Variants in COL24A1 observed in about 807,000 individuals in gnomAD.
COL24A1 encodes the protein collagen type XXIV alpha 1 chain.
In COL24A1, 224 loss-of-function variants were observed where a neutral mutation model predicts 253.9. The ratio of observed to expected loss-of-function variants is 0.88; its 90% CI spans 0.79 to 0.99. The LOEUF (loss-of-function observed/expected upper bound fraction) is 0.99, where lower values mean the gene tolerates loss of function less well. Among genes scored for constraint, COL24A1 ranks in the 50% least tolerant of loss-of-function variants. COL24A1 has a pLI of 0.00. For missense variants in COL24A1, 2,131 were observed against 2,068.5 expected, an observed-to-expected ratio of 1.03 and a Z score of -0.59; for synonymous variants, 685 against 673.7, an observed-to-expected ratio of 1.02 and a Z score of -0.26.
At chr1:85,832,640 A>T (rs1675447215) in intron 43 of COL24A1, among the ~76,000 whole-genome samples, 1 of 150,880 alleles carries the variant, frequency 6.6e-6, no homozygotes, top group Non-Finnish European at 1.5e-5. Context: ...GAGGTCCTTC[A>T]CGTCCCTTGT....
At chr1:86,145,192 T>C (rs560835299) in intron 2 of COL24A1, among the ~76,000 whole-genome samples, 1 of 152,240 alleles carries the variant, frequency 6.6e-6, no homozygotes, top group East Asian at 1.9e-4. Context: ...TCATTCATAA[T>C]TTGTTTACTT....
intron 18 of COL24A1, among the ~76,000 whole-genome samples, chr1:86,020,487 AT>A (rs1433971106): frequency 3.3e-5 from 5 of 152,074 alleles, no homozygotes; most frequent in African/African-American, 1.2e-4. Flanking sequence ...CTAGCCAATG[AT>A]TTTTTTACTC....
intron 1 of COL24A1, 117 bp downstream of exon 1, chr1:86,156,224 T>G (rs1045656506): frequency 1.0e-5 from 10 of 962,198 alleles, no homozygotes; most frequent in Non-Finnish European, 1.5e-5. Context: ...CGGCCGCTCC[T>G]AAAGCCAAAA....
intron 12 of COL24A1, among the ~76,000 whole-genome samples, chr1:86,042,320 C>T (rs1394017845): frequency 6.6e-6 from 1 of 151,928 alleles, no homozygotes; most frequent in Non-Finnish European, 1.5e-5. Flanking sequence ...CTAAAATATA[C>T]CAAATTCCTA....
chr1:85,976,281 G>T (rs1179581227), intron 20 of COL24A1, among the ~76,000 whole-genome samples: 1 of 152,138 alleles, frequency 6.6e-6, no homozygotes, highest in Non-Finnish European at 1.5e-5. Context: ...AGGCTACCTG[G>T]AGACAAACTC....
chr1:85,809,083 C>T (rs990648882), intron 47 of COL24A1, among the ~76,000 whole-genome samples: 1 of 152,178 alleles, frequency 6.6e-6, no homozygotes, highest in African/African-American at 2.4e-5. Flanking sequence ...ATCTTATGTT[C>T]TACAATAGTG....
chr1:86,126,441 C>G (rs1473047474), intron 2 of COL24A1, among the ~76,000 whole-genome samples: 3 of 151,942 alleles, frequency 2.0e-5, no homozygotes, highest in Non-Finnish European at 4.4e-5. Flanking sequence ...TACACACACA[C>G]CAATCTCTAA....
Position 85,847,770 on chromosome 1 carries a change from A to G in COL24A1, c.3357T>C (p.Gly1119=). The G allele has an allele frequency of 6.2e-7, 1 of 1,607,612 alleles. No individual in the cohort carries two copies. Among genetic ancestry groups the G allele is most frequent in the Non-Finnish European group, 8.5e-7 (1 of 1,174,550 alleles). ...PGQRGRPGKK[G]DKGQIGPTGE... Reference sequence around the variant, plus strand: ...CTGTGGGTCCTATTTGTCCTTTATCACCCTGTGGATGACATTATTAAGAGA... The same window carrying G: ...CTGTGGGTCCTATTTGTCCTTTATCGCCCTGTGGATGACATTATTAAGAGA... The change falls in exon 39 of 60, where the codon GGT becomes GGC. Residue 1119 remains glycine, a splice_region_variant and synonymous_variant. Transcript: ENST00000370571.
chr1:86,142,099 C>T (rs770300664), intron 2 of COL24A1, among the ~76,000 whole-genome samples: 39 of 151,084 alleles, frequency 2.6e-4, no homozygotes, highest in Non-Finnish European at 5.2e-4. Context: ...AAAGACAATG[C>T]AGAGAGCAGA....
intron 24 of COL24A1, among the ~76,000 whole-genome samples, chr1:85,935,183 CATTT>C (rs1219048180): frequency 8.5e-6 from 1 of 117,970 alleles, no homozygotes; most frequent in Non-Finnish European, 1.9e-5. Context: ...AATTTTTAAA[CATTT>C]ATTTAAAAGT....
chr1:86,126,337 T>TATG, intron 2 of COL24A1, 123 bp from the exon 3 acceptor site: 1 of 813,468 alleles, frequency 1.2e-6, no homozygotes, highest in South Asian at 1.9e-5. Flanking sequence ...ATAAGCATGT[T>TATG]CTATCAATAA....
chr1:86,022,786 G>T, intron 16 of COL24A1, 47 bp downstream of exon 16: 1 of 1,342,098 alleles, frequency 7.5e-7, no homozygotes. Context: ...AAAAGTAAAA[G>T]ACAAATGTGA....
At chr1:85,736,061 C>T (rs76710587) in intron 58 of COL24A1, 30,646 of 258,164 alleles carry the variant, frequency 0.12, 2,811 homozygotes, top group East Asian at 0.38. Context: ...GCTTTCTGAG[C>T]CTTAATTTCC....
chr1:86,030,779 T>C (rs1302752951), intron 14 of COL24A1, among the ~76,000 whole-genome samples: 1 of 151,022 alleles, frequency 6.6e-6, no homozygotes, highest in Non-Finnish European at 1.5e-5. Context: ...GTTGTTGTTG[T>C]AGCATTGGGA....
chr1:85,901,390 A>G (rs1604568), intron 28 of COL24A1, among the ~76,000 whole-genome samples: 113,664 of 152,066 alleles, frequency 0.75, 42,591 homozygotes, highest in East Asian at 0.79. Flanking sequence ...TTATTAAAAA[A>G]ACAAAAATCA....
chr1:85,978,193 T>A (rs906443258), intron 20 of COL24A1, among the ~76,000 whole-genome samples: 4 of 152,124 alleles, frequency 2.6e-5, no homozygotes, highest in African/African-American at 9.7e-5. Context: ...CATTCACCAC[T>A]ACCAAGTCAG....
chr1:85,964,987 A>T (rs928141545), intron 23 of COL24A1, 22 bp downstream of exon 23: 3 of 1,592,020 alleles, frequency 1.9e-6, no homozygotes, highest in Non-Finnish European at 2.6e-6. Context: ...TTTAAAACTG[A>T]TAATAAAGTC....
intron 6 of COL24A1, 26 bp from the exon 7 acceptor site, chr1:86,089,253 T>A (rs531460271): frequency 6.5e-7 from 1 of 1,546,270 alleles, no homozygotes; most frequent in Non-Finnish European, 8.7e-7. Context: ...AGACGTTTAA[T>A]GTCATGAAAG....
chr1:86,101,402 G>A (rs970653836), intron 5 of COL24A1, among the ~76,000 whole-genome samples: 4 of 152,030 alleles, frequency 2.6e-5, no homozygotes, highest in Non-Finnish European at 5.9e-5. Flanking sequence ...ATTTTGCTCC[G>A]GCCAGGACTT....
Sources: allele counts gnomAD v4.1 joint callset (sites outside exome capture counted in the v4.1 genomes callset), GRCh38; gene constraint gnomAD v4.1.1; transcripts MANE v1.5; gene names NCBI Gene and HGNC (gene_info 2026-07-23, HGNC 2026-07-21).